CCDC9: variants seen among roughly 807,000 people sequenced by gnomAD.
CCDC9 encodes coiled-coil domain-containing protein 9.
A neutral mutation model predicts 65.6 loss-of-function variants in CCDC9; 52 were observed. That is an observed-to-expected ratio of 0.79 (90% confidence interval 0.63 to 1.00). CCDC9 has a LOEUF of 1.00. Ranked by LOEUF, CCDC9 falls within the 50% of genes least tolerant of loss-of-function variation. The pLI, the probability that CCDC9 is intolerant of heterozygous loss-of-function variation, is 0.00. For missense variants in CCDC9, 834 were observed against 757.2 expected, an observed-to-expected ratio of 1.10 and a Z score of -1.19; for synonymous variants, 332 against 280.3, an observed-to-expected ratio of 1.18 and a Z score of -1.84.
Position 47,271,724 on chromosome 19 carries a change from TGTGTGTGTGCGCGCGCGCGCGCGC to T in CCDC9, c.*48_*71del, listed in dbSNP as rs1436095187. The T allele has an allele frequency of 1.0e-4, 126 of 1,266,028 alleles. No homozygotes were observed. The highest frequency in any genetic ancestry group is 7.2e-4 in the African/African-American group (34 of 47,404). The allele number at this position is 1,266,028 out of a possible 1,614,324, so 78.4% of individuals were successfully genotyped here. A position where few individuals can be genotyped will look rare whatever the true frequency, so the allele number is the denominator to read the frequency against. ...GTGTGTGTGTGTGTGTGTGTGTGTGTGTGTGTGTGCGCGCGCGCGCGCGCGCGCGCGCGCGCTAGAGGGGTGTGG... is the reference window on the plus strand; with the variant it reads ...GTGTGTGTGTGTGTGTGTGTGTGTGTGCGCGCGCGCGCTAGAGGGGTGTGG... On this transcript the variant is annotated 3_prime_UTR_variant, in exon 12 of 12. Transcript: ENST00000221922.
downstream of CCDC9, among the ~76,000 whole-genome samples, chr19:47,274,199 T>C (rs1600296791): frequency 2.0e-5 from 3 of 151,836 alleles, no homozygotes; most frequent in African/African-American, 4.8e-5. Context: ...GGGCCTGAGG[T>C]GCTGAGGATA....
At chr19:47,257,301 G>A (rs1272062081) in intron 1 of CCDC9, among the ~76,000 whole-genome samples, 2 of 152,090 alleles carry the variant, frequency 1.3e-5, no homozygotes, top group Non-Finnish European at 2.9e-5. Context: ...GCCGGGGGCG[G>A]GGCTGGAATA....
chr19:47,274,606 G>A (rs1315515095), downstream of CCDC9: 1 of 203,000 alleles, frequency 4.9e-6, no homozygotes, highest in Admixed American at 6.8e-5. Flanking sequence ...TGGGCTGGAT[G>A]AAGTCCGAGT....
intron 5 of CCDC9, among the ~76,000 whole-genome samples, chr19:47,264,263 G>A (rs920333707): frequency 6.6e-6 from 1 of 152,190 alleles, no homozygotes; most frequent in Non-Finnish European, 1.5e-5. Flanking sequence ...CAATCCTCCT[G>A]CCTTGGCCTC....
At chr19:47,270,977 G>C in intron 10 of CCDC9, 105 bp from the exon 11 acceptor site, 1 of 880,866 alleles carries the variant, frequency 1.1e-6, no homozygotes. Context: ...CCTCCACCAT[G>C]CCAGATGCTC....
downstream of CCDC9, chr19:47,273,487 C>A: frequency 1.4e-6 from 1 of 739,358 alleles, no homozygotes; most frequent in Non-Finnish European, 1.9e-6. Flanking sequence ...GCGGCCTCCG[C>A]GCTCTGCACT....
intron 3 of CCDC9, among the ~76,000 whole-genome samples, chr19:47,259,630 C>A (rs1292053103): frequency 6.6e-6 from 1 of 152,136 alleles, no homozygotes; most frequent in Non-Finnish European, 1.5e-5. Context: ...TTCATTTATT[C>A]ATTCTTCATG....
chr19:47,260,488 C>G, intron 4 of CCDC9, 66 bp downstream of exon 4: 1 of 1,604,362 alleles, frequency 6.2e-7, no homozygotes, highest in Non-Finnish European at 8.5e-7. Flanking sequence ...GGCCTGGGAC[C>G]CAGGAGCCCC....
chr19:47,258,734 T>C (rs2059027164), intron 3 of CCDC9, 71 bp downstream of exon 3: 1 of 1,157,368 alleles, frequency 8.6e-7, no homozygotes, highest in Non-Finnish European at 1.3e-6. Flanking sequence ...ACCTCTCCCT[T>C]CCTTAAAACC....
chr19:47,275,039 C>G (rs1169275791), downstream of CCDC9: 4 of 1,490,490 alleles, frequency 2.7e-6, no homozygotes, highest in South Asian at 3.8e-5. Flanking sequence ...TCCTCTGCGT[C>G]TCGCTAGCTG....
intron 1 of CCDC9, among the ~76,000 whole-genome samples, 177 bp downstream of exon 1, chr19:47,256,786 C>T (rs1409135241): frequency 5.1e-4 from 1 of 1,944 alleles, no homozygotes; most frequent in African/African-American, 2.3e-3. Context: ...GGTGGGTGGG[C>T]AGGGTCGGGG....
rs143618657 is a variant in CCDC9, at chr19:47,266,784, C to T, written c.894C>T (p.Thr298=). 4.2e-5 allele frequency: 68 copies of T among 1,607,690 alleles called. No individual in the cohort carries two copies. In the African/African-American group the frequency reaches 6.8e-4, roughly 16 times the overall value. The change falls in exon 8 of 12, where the codon ACC becomes ACT. Residue 298 remains threonine, a synonymous_variant. Transcript: ENST00000221922. ...GGCGCGAGTGGGATGCCGAGAAGAC[C>T]GATGGGATGTGAGTCTCCTCCCCGC... is the stretch of plus-strand genomic sequence containing the variant. The part of the protein sequence containing the change: ...QWRREWDAEK[T]DGMFKDGPVP...
chr19:47,260,623 G>A lies in CCDC9; in HGVS notation c.246G>A (p.Gly82=). Residue 82 remains glycine (G), a synonymous_variant, in exon 5 of 12, where the codon GGG becomes GGA. Coordinates refer to ENST00000221922, the MANE Select transcript of CCDC9 (RefSeq NM_015603.3). ...KNLGPSRRSP[G]TPRPPGASKG... ...TGGGTCCTTCCCGGAGGTCTCCTGG[G>A]ACCCCTCGGCCCCCAGGGGCCAGCA... is the stretch of plus-strand genomic sequence containing the variant. The A allele has an allele frequency of 6.6e-7, 1 of 1,524,792 alleles. No individual in the cohort carries two copies. Among genetic ancestry groups the A allele is most frequent in the Non-Finnish European group, 8.7e-7 (1 of 1,145,614 alleles). 94.5% of individuals were successfully genotyped at this position (1,524,792 alleles called of 1,614,324 possible). A position where few individuals can be genotyped will look rare whatever the true frequency, so the allele number is the denominator to read the frequency against.
In CCDC9 at chr19:47,271,828, G is replaced by T; in HGVS notation, c.*150G>T. Reference sequence around the variant, plus strand: ...GGGACCCAGTGTGCCCCACAGCCCTGTCAGCTGAGGGGGTAGCGCAGCCCA... The same window carrying T: ...GGGACCCAGTGTGCCCCACAGCCCTTTCAGCTGAGGGGGTAGCGCAGCCCA... On this transcript the variant is annotated 3_prime_UTR_variant, in exon 12 of 12. Transcript: ENST00000221922. 7.0e-7 allele frequency: 1 copy of T among 1,426,118 alleles called. No individual in the cohort carries two copies. The allele number at this position is 1,426,118 out of a possible 1,614,324, so 88.3% of individuals were successfully genotyped here. A position where few individuals can be genotyped will look rare whatever the true frequency, so the allele number is the denominator to read the frequency against.
At chr19:47,275,483 G>C (rs987328848), downstream of CCDC9, 1 of 1,289,564 alleles carries the variant, frequency 7.8e-7, no homozygotes, top group Non-Finnish European at 1.0e-6. Context: ...GTCATCCCGC[G>C]GAATGGGGGC....
Position 47,264,745 on chromosome 19 carries a change from C to T in CCDC9, c.547-28C>T, listed in dbSNP as rs191815512. The T allele has an allele frequency of 3.5e-4, 562 of 1,604,470 alleles. 1 individual carries two copies. In the African/African-American group the frequency reaches 6.2e-3, roughly 18 times the overall value. ...AGCTGCCTGGGCTGCGGGGAGCCCG[C>T]GCCAACCCCCTGCTCTGCTGCCTGC... On this transcript the variant is annotated intron_variant, in intron 6 of 11. Coordinates refer to ENST00000221922, the MANE Select transcript of CCDC9 (RefSeq NM_015603.3).
Position 47,260,792 on chromosome 19 carries a change from C to T in CCDC9, c.415C>T (p.His139Tyr), listed in dbSNP as rs147315092. ...GRRGRGRGSP[H>Y]LSGAGDTSIS... is the part of the protein sequence containing the mutation. ...GAGGGGCCGGGGCCGAGGTTCACCT[C>T]ACCTCTCTGGAGCTGGAGACACCTC... The change falls in exon 5 of 12, where the codon CAC (histidine) becomes TAC (tyrosine). Residue 139 changes from histidine (H) to tyrosine (Y), a missense_variant. Transcript: ENST00000221922. 1.6e-4 allele frequency: 257 copies of T among 1,613,432 alleles called. 1 individual carries two copies. The African/African-American group carries it at 3.1e-3, about 20-fold the overall frequency.
In CCDC9 at chr19:47,271,722, TGTGTGTGTGTGC is replaced by T. The variant is rs1320271002; in HGVS notation, c.*46_*57del. ...GTGTGTGTGTGTGTGTGTGTGTGTG[TGTGTGTGTGTGC>T]GCGCGCGCGCGCGCGCGCGCGCGCG... On this transcript the variant is annotated 3_prime_UTR_variant, in exon 12 of 12. Coordinates refer to ENST00000221922, the MANE Select transcript of CCDC9 (RefSeq NM_015603.3). The T allele has an allele frequency of 1.9e-5, 25 of 1,345,140 alleles. No homozygotes were observed. The African/African-American group carries it at 2.8e-4, about 15-fold the overall frequency. The allele number at this position is 1,345,140 out of a possible 1,614,324, so 83.3% of individuals were successfully genotyped here. A position where few individuals can be genotyped will look rare whatever the true frequency, so the allele number is the denominator to read the frequency against.
At chr19:47,259,862 C>T (rs577983564) in intron 3 of CCDC9, among the ~76,000 whole-genome samples, 1 of 152,264 alleles carries the variant, frequency 6.6e-6, no homozygotes, top group Admixed American at 6.5e-5. Context: ...GAGCTGGTTT[C>T]CACAGGGTGC....
Sources: gnomAD v4.1 joint callset for allele counts (sites outside exome capture counted in the v4.1 genomes callset) on GRCh38, gnomAD v4.1.1 for gene constraint, MANE v1.5 for transcripts, NCBI Gene and HGNC (gene_info 2026-07-23, HGNC 2026-07-21) for gene names.